The following XKR4 variants were observed in gnomAD, a reference collection of about 807,000 sequenced individuals.
XKR4 encodes XK related 4.
XKR4 carries 12 observed loss-of-function variants against 53.9 expected under a neutral mutation model. The ratio of observed to expected loss-of-function variants is 0.22; its 90% CI spans 0.14 to 0.36. XKR4 has a LOEUF of 0.36. Ranked by LOEUF, XKR4 falls within the 10% of genes least tolerant of loss-of-function variation. The probability of loss-of-function intolerance (pLI) is 1.00; values close to 1 mark genes in which losing one functional copy is unlikely to be tolerated. For synonymous variants in XKR4, 354 were observed against 362.4 expected (o/e 0.98, Z 0.26); for missense variants, 799 against 859.5 (o/e 0.93, Z 0.88).
chr8:55,384,001 G>A (rs184646472), intron 2 of XKR4, among the ~76,000 whole-genome samples: 120 of 152,310 alleles, frequency 7.9e-4, no homozygotes, highest in Non-Finnish European at 1.3e-3. Flanking sequence ...GTGAGAATTT[G>A]GAAGCTTAAT....
At chr8:55,383,291 A>C (rs547188845) in intron 2 of XKR4, among the ~76,000 whole-genome samples, 2 of 152,354 alleles carry the variant, frequency 1.3e-5, no homozygotes, top group Non-Finnish European at 2.9e-5. Context: ...CTTTGCAAAG[A>C]CCTAGCCTTT....
intron 2 of XKR4, among the ~76,000 whole-genome samples, chr8:55,375,822 A>C (rs548768323): frequency 6.6e-6 from 1 of 151,810 alleles, no homozygotes; most frequent in African/African-American, 2.4e-5. Context: ...GCACCTGTCA[A>C]CCCATCACCT....
chr8:55,426,751 G>A (rs1341400466), intron 2 of XKR4, among the ~76,000 whole-genome samples: 2 of 152,190 alleles, frequency 1.3e-5, no homozygotes, highest in African/African-American at 2.4e-5. Context: ...TTTGAAATTA[G>A]ATGATATTTT....
In XKR4 at chr8:55,536,588, T is replaced by C. The variant is rs534607314; in HGVS notation, c.*12361T>C. ...CGTCTGGGTGTCTGGTGTTTCTGGATAGACAGACTGCTCCGGTGTTGTAAG... is the reference window on the plus strand; with the variant it reads ...CGTCTGGGTGTCTGGTGTTTCTGGACAGACAGACTGCTCCGGTGTTGTAAG... On this transcript the variant is annotated 3_prime_UTR_variant, in exon 3 of 3. Transcript: ENST00000327381. 1 of 133,378 alleles carries C rather than the reference T, an allele frequency of 7.5e-6. No homozygotes were observed. The highest frequency in any genetic ancestry group is 1.7e-5 in the Non-Finnish European group (1 of 57,680). The allele number at this position is 133,378 out of a possible 1,614,324, so 8.3% of individuals were successfully genotyped here.
intron 1 of XKR4, among the ~76,000 whole-genome samples, chr8:55,189,155 C>A (rs1169513678): frequency 6.6e-6 from 1 of 152,154 alleles, no homozygotes; most frequent in African/African-American, 2.4e-5. Context: ...GTTTAGGGTG[C>A]CTGTTAAATT....
At chr8:55,477,144 G>A (rs1321794026) in intron 2 of XKR4, among the ~76,000 whole-genome samples, 1 of 152,114 alleles carries the variant, frequency 6.6e-6, no homozygotes, top group Non-Finnish European at 1.5e-5. Context: ...GCACTGCCTG[G>A]TAGGGGCAGA....
intron 1 of XKR4, among the ~76,000 whole-genome samples, chr8:55,190,082 C>T (rs562152623): frequency 3.3e-5 from 5 of 152,314 alleles, no homozygotes; most frequent in South Asian, 4.1e-4. Context: ...CTTTAATCTG[C>T]GTGTGTGTTT....
chr8:55,154,276 T>A (rs1313580475), intron 1 of XKR4, among the ~76,000 whole-genome samples: 2 of 152,174 alleles, frequency 1.3e-5, no homozygotes, highest in Non-Finnish European at 2.9e-5. Flanking sequence ...TATATGACAA[T>A]TTAAGTTATA....
chr8:55,263,545 C>T (rs1386885735), intron 1 of XKR4, among the ~76,000 whole-genome samples: 3 of 152,122 alleles, frequency 2.0e-5, no homozygotes, highest in African/African-American at 4.8e-5. Flanking sequence ...AAATAGCATG[C>T]GTATGTAAAT....
rs748171068 is a variant in XKR4, at chr8:55,357,911, G to C, written c.1006+34G>C. On this transcript the variant is annotated intron_variant, in intron 2 of 2. Transcript: ENST00000327381. Reference sequence around the variant, plus strand: ...TTGCAATTTGGTTTCTGAATTTGGGGAAAGATTGACTGGCTACTTTTGTCA... The same window carrying C: ...TTGCAATTTGGTTTCTGAATTTGGGCAAAGATTGACTGGCTACTTTTGTCA... The C allele has an allele frequency of 6.3e-6, 10 of 1,587,270 alleles. No homozygotes were observed. In the South Asian group the frequency reaches 1.0e-4, roughly 16 times the overall value.
intron 2 of XKR4, among the ~76,000 whole-genome samples, chr8:55,504,226 TGTTTG>T (rs1806490852): frequency 7.0e-6 from 1 of 143,698 alleles, no homozygotes; most frequent in Admixed American, 7.0e-5. Flanking sequence ...TGTTTTGTTT[TGTTTG>T]AGACAGAGTC....
chr8:55,343,374 A>C (rs986587267), intron 1 of XKR4, among the ~76,000 whole-genome samples: 22 of 152,106 alleles, frequency 1.4e-4, no homozygotes, highest in Non-Finnish European at 2.9e-5. Context: ...CACGGAAGCC[A>C]TTTCCAGAAA....
intron 1 of XKR4, among the ~76,000 whole-genome samples, chr8:55,319,077 T>C (rs1408087403): frequency 6.6e-6 from 1 of 152,192 alleles, no homozygotes; most frequent in Non-Finnish European, 1.5e-5. Context: ...TCTCTGCAAC[T>C]AATTTTTTCC....
intron 1 of XKR4, among the ~76,000 whole-genome samples, chr8:55,186,483 G>A (rs559959046): frequency 1.4e-4 from 22 of 151,838 alleles, no homozygotes; most frequent in Admixed American, 4.6e-4. Flanking sequence ...GTGAAACCCC[G>A]TCTCTACTAA....
chr8:55,427,908 A>G (rs2129393173), intron 2 of XKR4, among the ~76,000 whole-genome samples: 1 of 152,330 alleles, frequency 6.6e-6, no homozygotes, highest in South Asian at 2.1e-4. Flanking sequence ...TCTGCAGATG[A>G]GCTCATTGAG....
At chr8:55,371,001 C>G (rs1585542984) in intron 2 of XKR4, among the ~76,000 whole-genome samples, 1 of 151,342 alleles carries the variant, frequency 6.6e-6, no homozygotes. Flanking sequence ...AAAGAGAGAC[C>G]AAAACCTTAT....
rs183050341 is a variant in XKR4, at chr8:55,396,099, G to A, written c.1006+38222G>A. On this transcript the variant is annotated intron_variant, in intron 2 of 2. Coordinates refer to ENST00000327381, the MANE Select transcript of XKR4 (RefSeq NM_052898.2). Reference sequence around the variant, plus strand: ...CCTGACCACCTCCTAATACCATGGGGGTATTAGGGTTTTAACACAGGAATT... The same window carrying A: ...CCTGACCACCTCCTAATACCATGGGAGTATTAGGGTTTTAACACAGGAATT... 3.9e-5 allele frequency among the ~76,000 whole-genome samples: 6 copies of A among 152,288 alleles called. 1 individual carries two copies. Among genetic ancestry groups the A allele is most frequent in the Admixed American group, 3.9e-4 (6 of 15,300 alleles).
intron 2 of XKR4, among the ~76,000 whole-genome samples, chr8:55,395,616 C>T (rs1385007787): frequency 1.3e-5 from 2 of 152,056 alleles, no homozygotes; most frequent in African/African-American, 4.8e-5. Flanking sequence ...TGTCATTCAC[C>T]TGCAGAAAGA....
chr8:55,477,646 T>C (rs1179918347), intron 2 of XKR4, among the ~76,000 whole-genome samples: 4 of 151,938 alleles, frequency 2.6e-5, no homozygotes, highest in Non-Finnish European at 5.9e-5. Flanking sequence ...GCAAAGAAGT[T>C]AAAAACGGTG....
Sources: allele counts gnomAD v4.1 joint callset (sites outside exome capture counted in the v4.1 genomes callset), GRCh38; gene constraint gnomAD v4.1.1; transcripts MANE v1.5; gene names NCBI Gene and HGNC (gene_info 2026-07-23, HGNC 2026-07-21).